Variants in HIP1R observed in about 807,000 individuals in gnomAD.
The protein encoded by HIP1R is huntingtin interacting protein 1 related.
In HIP1R, 135 loss-of-function variants were observed where a neutral mutation model predicts 144.2. The ratio of observed to expected loss-of-function variants is 0.94; its 90% CI spans 0.81 to 1.08. The LOEUF is 1.08. HIP1R is among the 50% of genes least tolerant of loss of function. The pLI is 0.00. For missense variants in HIP1R, 1,462 were observed against 1,432.8 expected (o/e 1.02, Z -0.33); for synonymous variants, 698 against 612.8 (o/e 1.14, Z -2.05).
chr12:122,850,911 T>G lies in HIP1R; in HGVS notation c.515T>G (p.Ile172Ser). 2.5e-6 allele frequency: 4 copies of G among 1,609,948 alleles called. No homozygotes were observed. Among genetic ancestry groups the G allele is most frequent in the Non-Finnish European group, 3.4e-6 (4 of 1,178,228 alleles). Residue 172 changes from isoleucine to serine, a missense_variant and splice_region_variant, in exon 6 of 32, where the codon ATC becomes AGC. This residue lies in a region of HIP1R where 350 missense variants were observed against 421.1 expected (regional missense o/e 0.83). Transcript: ENST00000253083. ...GCAGCTGGGACCGATGTCAACAACA[T>G]GTGAGTCACTCTGCATGGCTACATA... ...EKAAGTDVNN[I>S]FQLTVEMFDY...
At chr12:122,835,760 A>C (rs961775864) in intron 1 of HIP1R, 117 bp downstream of exon 1, 53 of 425,428 alleles carry the variant, frequency 1.2e-4, no homozygotes, top group Non-Finnish European at 1.5e-4. Flanking sequence ...GGGGCGGGGG[A>C]CGGCGCGGGG....
intron 1 of HIP1R, among the ~76,000 whole-genome samples, chr12:122,847,280 G>A (rs903242753): frequency 1.8e-4 from 28 of 151,828 alleles, no homozygotes; most frequent in African/African-American, 7.2e-5. Flanking sequence ...AAGCCTACTC[G>A]GAAAAGGAGG....
chr12:122,859,466 T>C lies in HIP1R; in HGVS notation c.2336T>C (p.Leu779Pro), dbSNP rs776272882. ...AGCCTAGATGTGCGGCAGGAGGAGC[T>C]GGGGGCCGTGGTCGACAAGGAGATG... Reference protein sequence around the residue: ...PKSLDVRQEELGAVVDKEMAA... With the variant: ...PKSLDVRQEEPGAVVDKEMAA... The change falls in exon 23 of 32, where the codon CTG becomes CCG. Residue 779 changes from leucine (L) to proline (P), a missense_variant. This residue lies in a region of HIP1R where 1,112 missense variants were observed against 1,011.7 expected (regional missense o/e 1.10). Transcript: ENST00000253083. 2.2e-5 allele frequency: 35 copies of C among 1,613,256 alleles called. No homozygotes were observed. The highest frequency in any genetic ancestry group is 2.9e-5 in the Non-Finnish European group (34 of 1,179,954).
chr12:122,854,262 G>T, intron 8 of HIP1R, 79 bp downstream of exon 8: 5 of 1,203,886 alleles, frequency 4.2e-6, no homozygotes, highest in Non-Finnish European at 3.3e-6. Context: ...AAGGAAAATC[G>T]AAAAATTAGA....
chr12:122,859,803 C>T lies in HIP1R; in HGVS notation c.2438C>T (p.Ser813Leu), dbSNP rs1181089456. 2.2e-5 allele frequency: 35 copies of T among 1,612,770 alleles called. No homozygotes were observed. Among genetic ancestry groups the T allele is most frequent in the East Asian group, 2.2e-5 (1 of 44,894 alleles). ...DMMNQARHAS[S>L]GVKLEVNERI... ...ATGAACCAGGCACGCCACGCCAGCT[C>T]GGGGGTGAAGCTGGAGGTGAACGAG... is the stretch of plus-strand genomic sequence containing the variant. Residue 813 changes from serine to leucine, a missense_variant, in exon 24 of 32, where the codon TCG (serine) becomes TTG (leucine). Transcript: ENST00000253083.
intron 15 of HIP1R, 28 bp downstream of exon 15, chr12:122,856,372 C>T (rs1418640100): frequency 1.8e-5 from 29 of 1,612,398 alleles, no homozygotes; most frequent in Non-Finnish European, 2.5e-5. Context: ...TCCATCCCAG[C>T]CGGTGGCAGG....
At position 122,859,108 on chromosome 12, in the gene HIP1R, A is replaced by G. The variant is rs1192026327; in HGVS notation, c.2206A>G (p.Met736Val). The G allele has an allele frequency of 3.1e-6, 5 of 1,600,232 alleles. No individual in the cohort carries two copies. Among genetic ancestry groups the G allele is most frequent in the Non-Finnish European group, 3.4e-6 (4 of 1,174,136 alleles). ...GTGCGGGGCCCGGGCTCTGGAGCTC[A>G]TGGGGCAGCTGCAGGACCAGCAGGC... ...RECGARALEL[M>V]GQLQDQQALR... Residue 736 changes from methionine (M) to valine (V), a missense_variant, in exon 22 of 32, where the codon ATG becomes GTG. Physicochemically the swap from Met to Val is conservative, Grantham distance 21 (BLOSUM62 1). This residue lies in a region of HIP1R where 1,112 missense variants were observed against 1,011.7 expected (regional missense o/e 1.10). Coordinates refer to ENST00000253083, the MANE Select transcript of HIP1R (RefSeq NM_003959.3).
chr12:122,860,980 A>T lies in HIP1R; in HGVS notation c.2831A>T (p.Glu944Val). 2.5e-6 allele frequency: 4 copies of T among 1,613,568 alleles called. No individual in the cohort carries two copies. The highest frequency in any genetic ancestry group is 3.4e-6 in the Non-Finnish European group (4 of 1,180,000). ...RLQECSRTVN[E>V]RAANVVASTK... ...CAGGAATGTTCTCGCACAGTCAATG[A>T]GAGGGCTGCCAATGTGGTGGCCTCC... The change falls in exon 29 of 32, where the codon GAG becomes GTG. Residue 944 changes from glutamate to valine, a missense_variant. Physicochemically the swap from Glu to Val is moderately radical, Grantham distance 121. Coordinates refer to ENST00000253083, the MANE Select transcript of HIP1R (RefSeq NM_003959.3).
chr12:122,860,636 G>T, intron 27 of HIP1R, 43 bp from the exon 28 acceptor site: 1 of 1,582,498 alleles, frequency 6.3e-7, no homozygotes, highest in Non-Finnish European at 8.7e-7. Context: ...CCAGCCGTCC[G>T]TGGGGTCAGA....
In HIP1R at chr12:122,855,518, G is replaced by A. The variant is rs1363744064; in HGVS notation, c.994-33G>A. 4 of 1,549,260 alleles carry A rather than the reference G, an allele frequency of 2.6e-6. No homozygotes were observed. The African/African-American group carries it at 5.5e-5, about 21-fold the overall frequency. ...CCCACTGCCCGGCCTGGAGGGCACA[G>A]GTGAGTGGGGTCACCATGCTTTGCT... On this transcript the variant is annotated intron_variant, in intron 11 of 31. Transcript: ENST00000253083.
chr12:122,860,256 C>G (rs577207590), intron 26 of HIP1R, 46 bp downstream of exon 26: 1 of 1,533,836 alleles, frequency 6.5e-7, no homozygotes, highest in South Asian at 1.2e-5. Flanking sequence ...GGAGCCTGAC[C>G]CCCAGCCTAG....
intron 7 of HIP1R, 132 bp downstream of exon 7, chr12:122,851,429 G>A: frequency 1.5e-6 from 1 of 663,508 alleles, no homozygotes; most frequent in South Asian, 3.3e-5. Flanking sequence ...CAGCCGCAGT[G>A]GCTCACATCT....
intron 22 of HIP1R, 45 bp downstream of exon 22, chr12:122,859,242 C>G: frequency 6.5e-7 from 1 of 1,548,582 alleles, no homozygotes; most frequent in Non-Finnish European, 8.7e-7. Flanking sequence ...GGGCCTGCCT[C>G]TGACCTCTGC....
At chr12:122,843,093 C>T (rs957998305) in intron 1 of HIP1R, among the ~76,000 whole-genome samples, 2 of 152,350 alleles carry the variant, frequency 1.3e-5, no homozygotes, top group African/African-American at 4.8e-5. Context: ...GGAGCCCACT[C>T]GCAATTTGGA....
In HIP1R at chr12:122,857,103, C is replaced by T; in HGVS notation, c.1703C>T (p.Ala568Val). Reference protein sequence around the residue: ...ALSGAVRQREADLLAAQSLVR... With the variant: ...ALSGAVRQREVDLLAAQSLVR... The stretch of plus-strand genomic sequence containing the variant: ...AGTGGAGCTGTGCGGCAGCGGGAGG[C>T]AGACCTGCTGGCGGCGCAGAGCCTG... The change falls in exon 18 of 32, where the codon GCA becomes GTA. Residue 568 changes from alanine to valine, a missense_variant. By Grantham distance (64) the Ala-to-Val change is moderately conservative. This residue lies in a region of HIP1R where 1,112 missense variants were observed against 1,011.7 expected (regional missense o/e 1.10). Coordinates refer to ENST00000253083, the MANE Select transcript of HIP1R (RefSeq NM_003959.3). The T allele has an allele frequency of 1.3e-6, 2 of 1,551,152 alleles. No homozygotes were observed. Among genetic ancestry groups the T allele is most frequent in the Non-Finnish European group, 1.7e-6 (2 of 1,147,340 alleles).
At chr12:122,846,616 C>T (rs911863795) in intron 1 of HIP1R, among the ~76,000 whole-genome samples, 1 of 152,168 alleles carries the variant, frequency 6.6e-6, no homozygotes, top group African/African-American at 2.4e-5. Context: ...TTCCTCAGGT[C>T]GTGGTTCCTT....
rs2033677520 is a variant in HIP1R, at chr12:122,858,892, C to T, written c.2105C>T (p.Thr702Ile). 1.9e-6 allele frequency: 3 copies of T among 1,613,144 alleles called. No individual in the cohort carries two copies. Among genetic ancestry groups the T allele is most frequent in the Non-Finnish European group, 2.5e-6 (3 of 1,180,016 alleles). Residue 702 changes from threonine (T) to isoleucine (I), a missense_variant, in exon 21 of 32, where the codon ACC becomes ATC. Thr to Ile is a moderately conservative substitution (Grantham distance 89). This residue lies in a region of HIP1R where 1,112 missense variants were observed against 1,011.7 expected (regional missense o/e 1.10). Coordinates refer to ENST00000253083, the MANE Select transcript of HIP1R (RefSeq NM_003959.3). ...LTRFSHLAADTIINGGATSHL... is the reference protein window; with the variant it reads ...LTRFSHLAADIIINGGATSHL... ...CGCTTCTCCCACCTGGCTGCGGATACCATCATCAATGGCGGTGCCACCTCG... is the reference window on the plus strand; with the variant it reads ...CGCTTCTCCCACCTGGCTGCGGATATCATCATCAATGGCGGTGCCACCTCG...
intron 2 of HIP1R, 70 bp downstream of exon 2, chr12:122,848,164 C>T: frequency 3.9e-6 from 6 of 1,524,006 alleles, no homozygotes; most frequent in South Asian, 1.1e-5. Flanking sequence ...CTGCAGGTGG[C>T]CTGCGGTCAG....
rs1158424022 is a variant in HIP1R at position 122,857,079 on chromosome 12, G to A, written c.1679G>A (p.Ser560Asn). The change falls in exon 18 of 32, where the codon AGT becomes AAT. Residue 560 changes from serine to asparagine, a missense_variant. By Grantham distance (46) the Ser-to-Asn change is conservative (BLOSUM62 1). Coordinates refer to ENST00000253083, the MANE Select transcript of HIP1R (RefSeq NM_003959.3). ...CTGAGTGCGGAGAAGGATGCTCTGA[G>A]TGGAGCTGTGCGGCAGCGGGAGGCA... ...DTLSAEKDALSGAVRQREADL... is the reference protein window; with the variant it reads ...DTLSAEKDALNGAVRQREADL... 1 of 1,551,624 alleles carries A rather than the reference G, an allele frequency of 6.4e-7. No homozygotes were observed.
Sources: allele counts gnomAD v4.1 joint callset (sites outside exome capture counted in the v4.1 genomes callset), GRCh38; gene constraint gnomAD v4.1.1; regional missense constraint gnomAD v4.1.1; transcripts MANE v1.5; gene names NCBI Gene and HGNC (gene_info 2026-07-23, HGNC 2026-07-21).